The following DNAH17 variants were observed in gnomAD, a reference collection of about 807,000 sequenced individuals.
DNAH17 encodes the protein axonemal beta dynein heavy chain 17.
In DNAH17, 376 loss-of-function variants were observed where a neutral mutation model predicts 485.6. The observed-to-expected ratio is 0.77, with a 90% CI of 0.71 to 0.84. The LOEUF (loss-of-function observed/expected upper bound fraction) is 0.84. DNAH17 is among the 40% of genes least tolerant of loss of function. The pLI is 0.00. For missense variants in DNAH17, 6,370 were observed against 5,839.3 expected (o/e 1.09, Z -2.96); for synonymous variants, 3,031 against 2,405.9 (o/e 1.26, Z -7.60).
rs570962481 is a variant in DNAH17 at position 78,539,287 on chromosome 17, T to C, written c.2676+450A>G. The stretch of plus-strand genomic sequence containing the variant: ...ACAGGTAGGAAAGGGGCCATTGCCA[T>C]GGAAAGCATGCCTCCATGGGATTAA... On this transcript the variant is annotated intron_variant, in intron 18 of 80. Coordinates refer to ENST00000389840, the MANE Select transcript of DNAH17 (RefSeq NM_173628.4). 4.4e-4 allele frequency among the ~76,000 whole-genome samples: 67 copies of C among 152,278 alleles called. 1 individual carries two copies. The highest frequency in any genetic ancestry group is 1.5e-3 in the African/African-American group (61 of 41,562).
At position 78,458,515 on chromosome 17, in the gene DNAH17, C is replaced by CT. The variant is rs1174426462; in HGVS notation, c.9977+49dup. 3.3e-6 allele frequency: 5 copies of CT among 1,526,008 alleles called. No homozygotes were observed. In the African/African-American group the frequency reaches 6.9e-5, roughly 21 times the overall value. 94.5% of individuals were successfully genotyped at this position (1,526,008 alleles called of 1,614,324 possible). On this transcript the variant is annotated intron_variant, in intron 62 of 80. Coordinates refer to ENST00000389840, the MANE Select transcript of DNAH17 (RefSeq NM_173628.4). ...CCAAGGCAGTTGTGTGGGCTTGTCCCTTTCAGGGGGTCTGAGAGCAGGAGG... is the reference window on the plus strand; with the variant it reads ...CCAAGGCAGTTGTGTGGGCTTGTCCCTTTTCAGGGGGTCTGAGAGCAGGAGG...
rs1165676364 is a variant in DNAH17 at position 78,486,214 on chromosome 17, G to A, written c.7101+10C>T. ...CCTGTGTGGGTGGCCGGGCCCCCCA[G>A]GTGCATCACCTGGTCCTGGAACATG... is the stretch of plus-strand genomic sequence containing the variant. On this transcript the variant is annotated intron_variant, in intron 45 of 80. Coordinates refer to ENST00000389840, the MANE Select transcript of DNAH17 (RefSeq NM_173628.4). 5 of 1,587,106 alleles carry A rather than the reference G, an allele frequency of 3.2e-6. No homozygotes were observed. The highest frequency in any genetic ancestry group is 1.2e-5 in the South Asian group (1 of 86,480).
intron 57 of DNAH17, 51 bp from the exon 58 acceptor site, chr17:78,461,759 C>T (rs950574729): frequency 6.3e-5 from 99 of 1,559,846 alleles, no homozygotes; most frequent in Middle Eastern, 1.7e-4. Flanking sequence ...AGCCGACACA[C>T]GCCGCCCTGC....
At chr17:78,525,857 A>G (rs2091055059) in intron 24 of DNAH17, among the ~76,000 whole-genome samples, 1 of 152,256 alleles carries the variant, frequency 6.6e-6, no homozygotes, top group Non-Finnish European at 1.5e-5. Flanking sequence ...GGAAACGGCC[A>G]TGAGGAAAGG....
intron 60 of DNAH17, among the ~76,000 whole-genome samples, chr17:78,459,580 G>T (rs2087992098): frequency 6.6e-6 from 1 of 152,192 alleles, no homozygotes; most frequent in Non-Finnish European, 1.5e-5. Context: ...GGCCTGGCTG[G>T]CCTCTCTCTC....
chr17:78,495,153 C>T (rs897821783), intron 38 of DNAH17, 56 bp from the exon 39 acceptor site: 20 of 1,511,522 alleles, frequency 1.3e-5, no homozygotes, highest in Non-Finnish European at 1.7e-5. Flanking sequence ...CAACCTACAC[C>T]CCTGCCTGTC....
chr17:78,440,493 C>A (rs1287406612), intron 72 of DNAH17, among the ~76,000 whole-genome samples: 1 of 152,058 alleles, frequency 6.6e-6, no homozygotes, highest in African/African-American at 2.4e-5. Flanking sequence ...CTCCTGTGAT[C>A]AAGCGATCCG....
Position 78,479,560 on chromosome 17 carries a change from T to G in DNAH17, c.7825A>C (p.Thr2609Pro). 6.2e-7 allele frequency: 1 copy of G among 1,613,620 alleles called. No individual in the cohort carries two copies. Among genetic ancestry groups the G allele is most frequent in the Non-Finnish European group, 8.5e-7 (1 of 1,179,862 alleles). ...ALTTIYNTILTQHLAFRSVSM... is the reference protein window; with the variant it reads ...ALTTIYNTILPQHLAFRSVSM... Reference sequence around the variant, plus strand: ...ACCGAGCGGAAGGCCAGGTGCTGCGTCAGGATTGTGTTGTAGATGGTGGTG... The same window carrying G: ...ACCGAGCGGAAGGCCAGGTGCTGCGGCAGGATTGTGTTGTAGATGGTGGTG... The change falls in exon 50 of 81, where the codon ACG becomes CCG. Residue 2609 changes from threonine to proline, a missense_variant. By Grantham distance (38) the Thr-to-Pro change is conservative (BLOSUM62 -1). Transcript: ENST00000389840.
chr17:78,489,223 G>C (rs1321146172), intron 44 of DNAH17, among the ~76,000 whole-genome samples: 1 of 152,188 alleles, frequency 6.6e-6, no homozygotes, highest in Non-Finnish European at 1.5e-5. Context: ...CCCACGCAGA[G>C]AGCAAAGAAG....
intron 71 of DNAH17, among the ~76,000 whole-genome samples, chr17:78,443,477 C>T (rs963627036): frequency 2.0e-5 from 3 of 152,192 alleles, no homozygotes; most frequent in Admixed American, 6.5e-5. Context: ...CCTCTCCTAT[C>T]GGAGGAAAAC....
intron 44 of DNAH17, among the ~76,000 whole-genome samples, chr17:78,488,774 G>A (rs1395403507): frequency 6.6e-6 from 1 of 152,144 alleles, no homozygotes; most frequent in Non-Finnish European, 1.5e-5. Context: ...CAATGACTGT[G>A]TCCTTATAAG....
intron 64 of DNAH17, 91 bp from the exon 65 acceptor site, chr17:78,453,556 C>A (rs1274694945): frequency 2.6e-6 from 4 of 1,526,294 alleles, no homozygotes; most frequent in South Asian, 1.2e-5. Flanking sequence ...GCCCTCTGAG[C>A]GAGACAGCGC....
At chr17:78,448,024 T>G (rs906847458) in intron 69 of DNAH17, among the ~76,000 whole-genome samples, 3 of 151,650 alleles carry the variant, frequency 2.0e-5, no homozygotes, top group Non-Finnish European at 2.9e-5. Context: ...ATACAAAAAT[T>G]AGCCAGGCAT....
intron 16 of DNAH17, among the ~76,000 whole-genome samples, chr17:78,549,691 G>T (rs1264943360): frequency 6.6e-6 from 1 of 152,186 alleles, no homozygotes; most frequent in Admixed American, 6.5e-5. Context: ...AGAAAGTGCT[G>T]CCCTGGTCCT....
chr17:78,540,647 G>A (rs72920917), intron 17 of DNAH17, among the ~76,000 whole-genome samples: 11,285 of 106,102 alleles, frequency 0.11, 1,063 homozygotes, highest in African/African-American at 0.12. Context: ...ATGGATGGAT[G>A]AACGGGGTGG....
chr17:78,426,729 G>A (rs1321923275), intron 78 of DNAH17, 129 bp from the exon 79 acceptor site: 28 of 1,389,558 alleles, frequency 2.0e-5, no homozygotes, highest in Non-Finnish European at 2.7e-5. Context: ...CCCTGCATCA[G>A]GGCCACGCAA....
chr17:78,515,107 C>A, intron 25 of DNAH17, 85 bp from the exon 26 acceptor site: 1 of 1,505,472 alleles, frequency 6.6e-7, no homozygotes, highest in South Asian at 1.3e-5. Context: ...TGCACTTACT[C>A]GCAGGGAGCA....
intron 55 of DNAH17, 29 bp downstream of exon 55, chr17:78,468,588 T>A: frequency 6.2e-7 from 1 of 1,601,484 alleles, no homozygotes; most frequent in Non-Finnish European, 8.5e-7. Flanking sequence ...GCTGGGCTCT[T>A]GAGGCCCTGC....
intron 6 of DNAH17, 26 bp from the exon 7 acceptor site, chr17:78,570,398 C>T (rs1257462817): frequency 8.1e-6 from 13 of 1,601,100 alleles, no homozygotes; most frequent in South Asian, 1.1e-5. Context: ...CCCAGGCACA[C>T]TGGAGGGGAC....
Sources: allele counts gnomAD v4.1 joint callset (sites outside exome capture counted in the v4.1 genomes callset), GRCh38; gene constraint gnomAD v4.1.1; transcripts MANE v1.5; gene names NCBI Gene and HGNC (gene_info 2026-07-23, HGNC 2026-07-21).